Variants in COL19A1 observed in about 807,000 individuals in gnomAD.
The protein encoded by COL19A1 is collagen type XIX alpha 1 chain.
A neutral mutation model predicts 190.2 loss-of-function variants in COL19A1; 159 were observed. That is an observed-to-expected ratio of 0.84 (90% CI 0.73 to 0.95). The LOEUF (loss-of-function observed/expected upper bound fraction) is 0.95. Among genes scored for constraint, COL19A1 ranks in the 40% least tolerant of loss-of-function variants. The pLI is 0.00. For missense variants in COL19A1, 1,418 were observed against 1,431.9 expected (o/e 0.99, Z 0.16); for synonymous variants, 509 against 458.9 (o/e 1.11, Z -1.39).
rs1209270234 is a variant in COL19A1, at chr6:69,959,998, T to C, written c.939T>C (p.Gly313=). 6.2e-7 allele frequency: 1 copy of C among 1,613,320 alleles called. No homozygotes were observed. The highest frequency in any genetic ancestry group is 2.2e-5 in the East Asian group (1 of 44,834). The change falls in exon 10 of 51, where the codon GGT becomes GGC. Residue 313 remains glycine (G), a splice_region_variant and synonymous_variant. Transcript: ENST00000620364. ...PGQKGHKGEP[G]ENGLHGAPGF... ...ATTATTCTGTGTACTTCTTTTAGGG[T>C]GAAAATGGTTTACATGGTGCTCCAG...
intron 30 of COL19A1, among the ~76,000 whole-genome samples, chr6:70,151,143 C>T (rs1787032216): frequency 1.3e-5 from 2 of 152,076 alleles, no homozygotes; most frequent in Admixed American, 1.3e-4. Context: ...GATGCACAGT[C>T]AAAACTATGA....
At chr6:69,884,733 G>C (rs1348702989) in intron 2 of COL19A1, among the ~76,000 whole-genome samples, 1 of 152,096 alleles carries the variant, frequency 6.6e-6, no homozygotes, top group African/African-American at 2.4e-5. Flanking sequence ...AGGTTCTCAG[G>C]ATTCTAATTT....
rs962194004 is a variant in COL19A1, at chr6:70,059,798, GTGA to G, written c.1171-8623_1171-8621del. 4 of 526,870 alleles carry G rather than the reference GTGA, an allele frequency of 7.6e-6. No homozygotes were observed. The African/African-American group carries it at 7.8e-5, about 10-fold the overall frequency. The allele number at this position is 526,870 out of a possible 1,614,324, so 32.6% of individuals were successfully genotyped here. On this transcript the variant is annotated intron_variant, in intron 14 of 50. Coordinates refer to ENST00000620364, the MANE Select transcript of COL19A1 (RefSeq NM_001858.6). Reference sequence around the variant, plus strand: ...AATCTCAAATGTCTCTTTCAGAAAAGTGATAAATCTGTATGTGTGCAAAATTTT... The same window carrying G: ...AATCTCAAATGTCTCTTTCAGAAAAGTAAATCTGTATGTGTGCAAAATTTT...
At chr6:70,166,085 T>G in intron 37 of COL19A1, 100 bp downstream of exon 37, 1 of 1,000,030 alleles carries the variant, frequency 1.0e-6, no homozygotes, top group Non-Finnish European at 1.6e-6. Context: ...AAGATAAAAT[T>G]CTTCTGAATT....
chr6:70,138,450 A>G (rs1459900639), intron 19 of COL19A1, among the ~76,000 whole-genome samples: 5 of 152,174 alleles, frequency 3.3e-5, no homozygotes, highest in Admixed American at 2.6e-4. Flanking sequence ...TCTTTTAAAA[A>G]AGCAGTTTTC....
chr6:70,194,351 C>T (rs577010), intron 48 of COL19A1, among the ~76,000 whole-genome samples: 14,964 of 152,180 alleles, frequency 0.098, 1,162 homozygotes, highest in African/African-American at 0.21. Context: ...CAATACCCTA[C>T]AAATCTCAAA....
At chr6:70,167,150 C>A (rs75935571) in intron 37 of COL19A1, among the ~76,000 whole-genome samples, 1 of 152,128 alleles carries the variant, frequency 6.6e-6, no homozygotes, top group Non-Finnish European at 1.5e-5. Flanking sequence ...ATGGATGGAG[C>A]GTTTGTCTTC....
At chr6:70,201,021 AG>A (rs1767515882) in intron 49 of COL19A1, among the ~76,000 whole-genome samples, 1 of 152,192 alleles carries the variant, frequency 6.6e-6, no homozygotes, top group Admixed American at 6.5e-5. Flanking sequence ...TATTGTGTAG[AG>A]GGGGCTAATT....
chr6:70,039,372 G>A (rs1239507097), intron 14 of COL19A1, among the ~76,000 whole-genome samples: 1 of 152,332 alleles, frequency 6.6e-6, no homozygotes, highest in East Asian at 1.9e-4. Context: ...ACTTTCAGGA[G>A]CTTCCAGGAG....
At chr6:70,175,595 T>C (rs1765752674) in intron 41 of COL19A1, among the ~76,000 whole-genome samples, 1 of 152,136 alleles carries the variant, frequency 6.6e-6, no homozygotes, top group Admixed American at 6.5e-5. Flanking sequence ...TATTTTGATA[T>C]GCTGCTTAAT....
At chr6:70,131,067 G>T in intron 18 of COL19A1, 1 of 462,134 alleles carries the variant, frequency 2.2e-6, no homozygotes, top group Non-Finnish European at 4.5e-6. Context: ...AATTATCATA[G>T]CTGTAAAGAT....
intron 49 of COL19A1, chr6:70,199,965 GTTACCTGGT>G (rs755769777): frequency 2.4e-5 from 10 of 417,836 alleles, no homozygotes; most frequent in Admixed American, 1.9e-4. Context: ...CCAAATGAGA[GTTACCTGGT>G]ATTCTAAATG....
At chr6:70,127,533 T>C (rs1265374152) in intron 17 of COL19A1, among the ~76,000 whole-genome samples, 2 of 152,062 alleles carry the variant, frequency 1.3e-5, no homozygotes, top group African/African-American at 4.8e-5. Context: ...GGAATAAGGA[T>C]GAGGGTGATT....
chr6:70,035,999 AT>A, intron 14 of COL19A1, 60 bp downstream of exon 14: 1 of 1,489,674 alleles, frequency 6.7e-7, no homozygotes, highest in Non-Finnish European at 9.3e-7. Context: ...TATTATCCAT[AT>A]TACATCATGA....
intron 27 of COL19A1, among the ~76,000 whole-genome samples, chr6:70,148,937 A>G (rs1786854347): frequency 1.3e-5 from 2 of 152,136 alleles, no homozygotes; most frequent in East Asian, 1.9e-4. Context: ...AAAAAAAAAA[A>G]AGAAAAGAAA....
intron 4 of COL19A1, among the ~76,000 whole-genome samples, chr6:69,918,162 G>T (rs540385205): frequency 6.6e-6 from 1 of 152,186 alleles, no homozygotes; most frequent in East Asian, 1.9e-4. Flanking sequence ...TCAGAGAAAT[G>T]CATCTTATTC....
chr6:69,924,894 G>T (rs1478312055), intron 4 of COL19A1, among the ~76,000 whole-genome samples: 2 of 152,168 alleles, frequency 1.3e-5, no homozygotes, highest in Non-Finnish European at 2.9e-5. Flanking sequence ...CTTTTGAGAA[G>T]TGTCTGTTCA....
intron 12 of COL19A1, among the ~76,000 whole-genome samples, chr6:70,033,110 T>G (rs1359062351): frequency 1.3e-5 from 2 of 152,002 alleles, no homozygotes; most frequent in East Asian, 1.9e-4. Context: ...CAACTAGAAG[T>G]TTTTTTTGCC....
At chr6:70,146,949 C>A in intron 27 of COL19A1, 60 bp downstream of exon 27, 1 of 1,396,082 alleles carries the variant, frequency 7.2e-7, no homozygotes, top group South Asian at 1.5e-5. Flanking sequence ...AATCCAGTGT[C>A]AAATTTTAAC....
Sources: allele counts gnomAD v4.1 joint callset (sites outside exome capture counted in the v4.1 genomes callset), GRCh38; gene constraint gnomAD v4.1.1; transcripts MANE v1.5; gene names NCBI Gene and HGNC (gene_info 2026-07-23, HGNC 2026-07-21).